The following NCOR2 variants were observed in gnomAD, a reference collection of about 807,000 sequenced individuals.
NCOR2 encodes the protein CTG repeat protein 26.
Under a neutral mutation model 262.9 loss-of-function variants are expected in NCOR2, and 81 were observed. The ratio of observed to expected loss-of-function variants is 0.31; its 90% confidence interval spans 0.26 to 0.37. The LOEUF is 0.37. Ranked by LOEUF, NCOR2 falls within the 10% of genes least tolerant of loss-of-function variation. The probability of loss-of-function intolerance (pLI) is 1.00; values close to 1 mark genes in which losing one functional copy is unlikely to be tolerated. For missense variants in NCOR2, 3,385 were observed against 3,621.4 expected, an observed-to-expected ratio of 0.93 and a Z score of 1.68; for synonymous variants, 1,659 against 1,559.3, an observed-to-expected ratio of 1.06 and a Z score of -1.51.
chr12:124,380,396 G>A (rs1050511035), intron 17 of NCOR2, among the ~76,000 whole-genome samples: 4 of 152,328 alleles, frequency 2.6e-5, no homozygotes, highest in African/African-American at 7.2e-5. Context: ...CACAGTTTCC[G>A]ACACCAACAG....
chr12:124,340,591 A>G lies in NCOR2; in HGVS notation c.5338+11T>C. ...CCGGGGTCCCCACCCCAGACTGGGCAGTGGCGCTACCTGGGGAGAGTGGGG... is the reference window on the plus strand; with the variant it reads ...CCGGGGTCCCCACCCCAGACTGGGCGGTGGCGCTACCTGGGGAGAGTGGGG... On this transcript the variant is annotated intron_variant, in intron 35 of 46. Transcript: ENST00000405201. The G allele has an allele frequency of 6.6e-7, 1 of 1,504,990 alleles. No homozygotes were observed. Among genetic ancestry groups the G allele is most frequent in the South Asian group, 1.3e-5 (1 of 75,346 alleles). 93.2% of individuals were successfully genotyped at this position (1,504,990 alleles called of 1,614,324 possible). A position where few individuals can be genotyped will look rare whatever the true frequency, so the allele number is the denominator to read the frequency against.
intron 44 of NCOR2, 92 bp downstream of exon 46, chr12:124,330,753 A>G: frequency 7.2e-7 from 1 of 1,392,552 alleles, no homozygotes; most frequent in Admixed American, 2.0e-5. Flanking sequence ...AGACTAGCGA[A>G]GGCTCCTCGT....
chr12:124,535,305 C>T (rs2051069597), intron 1 of NCOR2, among the ~76,000 whole-genome samples: 1 of 152,254 alleles, frequency 6.6e-6, no homozygotes, highest in African/African-American at 2.4e-5. Flanking sequence ...GGGACCCTCC[C>T]ACCTCTCAGG....
chr12:124,327,583 T>C (rs1453794674), exon 45 of NCOR2: 2 of 1,613,146 alleles, frequency 1.2e-6, no homozygotes, highest in Non-Finnish European at 1.7e-6. Context: ...TCCAGCCCCA[T>C]GTTGGTGCTG....
At chr12:124,532,632 G>A (rs2050869596) in intron 1 of NCOR2, among the ~76,000 whole-genome samples, 2 of 152,158 alleles carry the variant, frequency 1.3e-5, no homozygotes, top group African/African-American at 2.4e-5. Context: ...CCCTTTTATC[G>A]TCCTCGGGTG....
chr12:124,553,565 C>T (rs575083983), intron 1 of NCOR2, among the ~76,000 whole-genome samples: 5 of 152,316 alleles, frequency 3.3e-5, no homozygotes, highest in African/African-American at 1.2e-4. Context: ...AGCACCTGTA[C>T]GTGAATACAC....
chr12:124,347,814 C>T lies in NCOR2; in HGVS notation c.4072+11G>A, dbSNP rs1475418608. 3.2e-6 allele frequency: 5 copies of T among 1,558,168 alleles called. No homozygotes were observed. Among genetic ancestry groups the T allele is most frequent in the Non-Finnish European group, 4.3e-6 (5 of 1,150,274 alleles). ...TTGGGGGCAACGAGGGAGCAGGGAACAGGGCAGTACCTTGTGTGATGGACC... is the reference window on the plus strand; with the variant it reads ...TTGGGGGCAACGAGGGAGCAGGGAATAGGGCAGTACCTTGTGTGATGGACC... On this transcript the variant is annotated intron_variant, in intron 30 of 46. Transcript: ENST00000405201.
At chr12:124,473,049 G>A (rs2046907857) in exon 4 of NCOR2, 2 of 1,614,024 alleles carry the variant, frequency 1.2e-6, no homozygotes, top group Admixed American at 1.7e-5. Context: ...GGACAGCCGT[G>A]GCGGCACCAG....
At chr12:124,520,601 C>T (rs1274303728) in intron 1 of NCOR2, among the ~76,000 whole-genome samples, 4 of 152,160 alleles carry the variant, frequency 2.6e-5, no homozygotes, top group Admixed American at 2.0e-4. Flanking sequence ...CCAGACACTC[C>T]GCAGCAAATT....
At chr12:124,376,784 C>T (rs528550663) in intron 18 of NCOR2, among the ~76,000 whole-genome samples, 20 of 152,254 alleles carry the variant, frequency 1.3e-4, no homozygotes, top group African/African-American at 4.3e-4. Context: ...GAAGCCAGGG[C>T]GTTCAAAGGC....
At chr12:124,340,682 G>T in exon 35 of NCOR2, 1 of 1,524,746 alleles carries the variant, frequency 6.6e-7, no homozygotes. Context: ...GTCCATGGCG[G>T]TGGCTGGGGT....
Position 124,543,621 on chromosome 12 carries a change from G to A in NCOR2, c.-164-8010C>T, listed in dbSNP as rs552868857. ...TCTCCTCGCTGCGGGGTGTGGGGCC[G>A]CCATCAGAGACAGCAGCCGGCAGGA... is the stretch of plus-strand genomic sequence containing the variant. On this transcript the variant is annotated intron_variant, in intron 1 of 32. Transcript: ENST00000458234. Among the ~76,000 whole-genome samples the A allele has an allele frequency of 1.3e-4, 20 of 152,328 alleles. No individual in the cohort carries two copies. The South Asian group carries it at 3.3e-3, about 25-fold the overall frequency.
intron 5 of NCOR2, among the ~76,000 whole-genome samples, chr12:124,459,825 A>G (rs1472924219): frequency 6.6e-6 from 1 of 150,792 alleles, no homozygotes; most frequent in African/African-American, 2.4e-5. Context: ...CCAAATCCAA[A>G]CTCCTCGCCA....
intron 18 of NCOR2, among the ~76,000 whole-genome samples, chr12:124,374,761 G>A (rs147149437): frequency 1.1e-3 from 161 of 152,372 alleles, no homozygotes; most frequent in Non-Finnish European, 1.5e-3. Flanking sequence ...CAGCCACTCT[G>A]GGTGTCCTTG....
At chr12:124,466,870 G>C (rs138919890) in intron 4 of NCOR2, among the ~76,000 whole-genome samples, 1 of 151,996 alleles carries the variant, frequency 6.6e-6, no homozygotes, top group South Asian at 2.1e-4. Flanking sequence ...TACTACTCTA[G>C]AGAGCCGTTG....
chr12:124,404,259 G>A (rs1201809529), intron 13 of NCOR2, among the ~76,000 whole-genome samples: 1 of 152,180 alleles, frequency 6.6e-6, no homozygotes, highest in African/African-American at 2.4e-5. Flanking sequence ...CCCCTGGGCT[G>A]CCCGGCATGG....
upstream of NCOR2, among the ~76,000 whole-genome samples, chr12:124,498,270 C>T (rs369747532): frequency 2.8e-4 from 43 of 152,310 alleles, no homozygotes; most frequent in East Asian, 7.7e-3. Context: ...CTGGCACACG[C>T]TTACCATGGT....
At chr12:124,558,437 G>A (rs2051957496) in intron 1 of NCOR2, among the ~76,000 whole-genome samples, 1 of 152,212 alleles carries the variant, frequency 6.6e-6, no homozygotes, top group African/African-American at 2.4e-5. Flanking sequence ...AGGCTGATGA[G>A]GTCAAGTCAC....
intron 13 of NCOR2, among the ~76,000 whole-genome samples, chr12:124,409,837 C>A (rs531190132): frequency 2.6e-5 from 4 of 152,152 alleles, no homozygotes; most frequent in Non-Finnish European, 5.9e-5. Flanking sequence ...GCCACCTCAC[C>A]CGGCTAATTT....
Sources: gnomAD v4.1 joint callset for allele counts (sites outside exome capture counted in the v4.1 genomes callset) on GRCh38, gnomAD v4.1.1 for gene constraint, MANE v1.5 for transcripts, NCBI Gene and HGNC (gene_info 2026-07-23, HGNC 2026-07-21) for gene names.